NAV3: variants seen among roughly 807,000 people sequenced by gnomAD.
NAV3 encodes the protein neuron navigator 3, also known as pore membrane and/or filament interacting like protein 1.
Under a neutral mutation model 244.7 loss-of-function variants are expected in NAV3, and 87 were observed. That is an observed-to-expected ratio of 0.36 (90% CI 0.30 to 0.42). The LOEUF (loss-of-function observed/expected upper bound fraction) is 0.42, where lower values mean the gene tolerates loss of function less well. Among genes scored for constraint, NAV3 ranks in the 20% least tolerant of loss-of-function variants. The probability of loss-of-function intolerance (pLI) is 1.00; values close to 1 mark genes in which losing one functional copy is unlikely to be tolerated. For missense variants in NAV3, 2,663 were observed against 2,893.3 expected (o/e 0.92, Z 1.83); for synonymous variants, 1,126 against 1,042.2 (o/e 1.08, Z -1.55).
intron 2 of NAV3, among the ~76,000 whole-genome samples, chr12:77,726,979 C>T (rs924687166): frequency 7.2e-5 from 11 of 151,964 alleles, no homozygotes; most frequent in South Asian, 2.1e-4. Flanking sequence ...CAGTTTTAAT[C>T]GAAGGAGAAA....
chr12:77,654,481 C>T (rs1872985656), intron 2 of NAV3, among the ~76,000 whole-genome samples: 1 of 152,180 alleles, frequency 6.6e-6, no homozygotes, highest in Non-Finnish European at 1.5e-5. Flanking sequence ...CCCACCACAG[C>T]TCATGGAGGC....
intron 1 of NAV3, among the ~76,000 whole-genome samples, chr12:77,869,215 C>A (rs763449131): frequency 1.3e-5 from 2 of 149,792 alleles, no homozygotes; most frequent in Non-Finnish European, 3.0e-5. Flanking sequence ...GATGAATTGC[C>A]TAACCTAAGC....
In NAV3 at chr12:77,766,735, G is replaced by GTTTGTTTTTTT. The variant is rs1555202961; in HGVS notation, c.73-173581_73-173580insGTTTTTTTTTT. On this transcript the variant is annotated intron_variant, in intron 2 of 8. Coordinates refer to the NAV3 transcript ENST00000550042. Reference sequence around the variant, plus strand: ...AGGATTCTAAAAAACAGGCAATTAAGTTTTTTTTTTTTTTTTTTTTTTTTT... The same window carrying GTTTGTTTTTTT: ...AGGATTCTAAAAAACAGGCAATTAAGTTTGTTTTTTTTTTTTTTTTTTTTTTTTTTTTTTTT... 1.6e-3 allele frequency among the ~76,000 whole-genome samples: 94 copies of GTTTGTTTTTTT among 60,514 alleles called. 17 individuals carry two copies. Among genetic ancestry groups the GTTTGTTTTTTT allele is most frequent in the East Asian group, 6.0e-3 (12 of 2,012 alleles). The allele number at this position is 60,514 out of a possible 152,430, so 39.7% of individuals were successfully genotyped here. A position where few individuals can be genotyped will look rare whatever the true frequency, so the allele number is the denominator to read the frequency against.
intron 20 of NAV3, among the ~76,000 whole-genome samples, chr12:78,144,228 C>T (rs1395382714): frequency 6.6e-6 from 1 of 151,976 alleles, no homozygotes; most frequent in Non-Finnish European, 1.5e-5. Context: ...TAACATGTTG[C>T]CTAACAAATA....
intron 1 of NAV3, among the ~76,000 whole-genome samples, chr12:77,895,881 C>A (rs1262508794): frequency 7.0e-6 from 1 of 142,436 alleles, no homozygotes; most frequent in Non-Finnish European, 1.5e-5. Context: ...TAATTTATAA[C>A]CACTGACAGG....
chr12:78,118,126 G>T lies in NAV3; in HGVS notation c.2869G>T (p.Ala957Ser). The change falls in exon 14 of 40, where the codon GCT (alanine) becomes TCT (serine). Residue 957 changes from alanine (A) to serine (S), a missense_variant. Coordinates refer to ENST00000397909, the MANE Select transcript of NAV3 (RefSeq NM_001024383.2). ...AGAAGATTTTGACAGCCATGGGGATGCTGGTGGCAAGTGGAAGACTGTGTC... is the reference window on the plus strand; with the variant it reads ...AGAAGATTTTGACAGCCATGGGGATTCTGGTGGCAAGTGGAAGACTGTGTC... ...PEEDFDSHGD[A>S]GGKWKTVSSG... The T allele has an allele frequency of 6.2e-7, 1 of 1,614,092 alleles. No individual in the cohort carries two copies. Among genetic ancestry groups the T allele is most frequent in the Non-Finnish European group, 8.5e-7 (1 of 1,180,024 alleles).
intron 3 of NAV3, among the ~76,000 whole-genome samples, chr12:77,941,728 T>C (rs1593064021): frequency 6.6e-6 from 1 of 152,128 alleles, no homozygotes; most frequent in Non-Finnish European, 1.5e-5. Context: ...TATAATAAAG[T>C]CAAAGAGTAA....
chr12:77,892,403 A>T (rs1884041564), intron 1 of NAV3, among the ~76,000 whole-genome samples: 1 of 152,052 alleles, frequency 6.6e-6, no homozygotes, highest in Non-Finnish European at 1.5e-5. Context: ...CAAGCCCTAA[A>T]ATTAGACCAT....
chr12:77,847,111 TTC>T (rs1876764955), intron 1 of NAV3, among the ~76,000 whole-genome samples: 1 of 152,164 alleles, frequency 6.6e-6, no homozygotes, highest in Non-Finnish European at 1.5e-5. Flanking sequence ...AACAGTATGC[TTC>T]TCCTCTGTAA....
At chr12:77,952,084 A>G (rs529150940) in intron 3 of NAV3, among the ~76,000 whole-genome samples, 2 of 150,486 alleles carry the variant, frequency 1.3e-5, no homozygotes, top group East Asian at 3.9e-4. Context: ...AAAAAAAAAA[A>G]CAGGTTGTTT....
At chr12:78,108,113 G>T (rs1264508110) in intron 12 of NAV3, among the ~76,000 whole-genome samples, 1 of 152,122 alleles carries the variant, frequency 6.6e-6, no homozygotes, top group African/African-American at 2.4e-5. Context: ...AATGGTAAAA[G>T]ATATTCCTTG....
chr12:77,634,611 T>C (rs1310406122), intron 2 of NAV3, among the ~76,000 whole-genome samples: 1 of 152,168 alleles, frequency 6.6e-6, no homozygotes, highest in East Asian at 1.9e-4. Flanking sequence ...AACATGAAAC[T>C]TCATAGTGTA....
chr12:77,672,564 G>GTA (rs1222030953), intron 2 of NAV3, among the ~76,000 whole-genome samples: 3 of 151,930 alleles, frequency 2.0e-5, no homozygotes, highest in Non-Finnish European at 4.4e-5. Context: ...GTGTGTGTGT[G>GTA]TATATATGGC....
At chr12:77,931,074 T>TAA (rs61166788) in intron 1 of NAV3, among the ~76,000 whole-genome samples, 2 of 146,100 alleles carry the variant, frequency 1.4e-5, no homozygotes, top group Non-Finnish European at 3.0e-5. Flanking sequence ...TTTCCTATAA[T>TAA]TTTTTTCCTA....
chr12:77,990,315 G>A (rs927009795), intron 5 of NAV3, among the ~76,000 whole-genome samples: 3 of 152,200 alleles, frequency 2.0e-5, no homozygotes, highest in Non-Finnish European at 4.4e-5. Flanking sequence ...TTAGGGAAAG[G>A]TAAGGAAGAA....
chr12:77,642,261 T>C (rs1486430212), intron 2 of NAV3, among the ~76,000 whole-genome samples: 1 of 152,048 alleles, frequency 6.6e-6, no homozygotes, highest in African/African-American at 2.4e-5. Flanking sequence ...TCCCAAGAGC[T>C]CAGTGTTTTA....
intron 12 of NAV3, among the ~76,000 whole-genome samples, chr12:78,104,287 GA>G (rs1470817052): frequency 5.3e-5 from 8 of 152,274 alleles, no homozygotes; most frequent in Admixed American, 2.6e-4. Flanking sequence ...CCTGCCATAT[GA>G]AGTGCTATTA....
chr12:77,766,735 G>GTTTGTTTGTTTT (rs1555202961), intron 2 of NAV3, among the ~76,000 whole-genome samples: 6 of 60,516 alleles, frequency 9.9e-5, no homozygotes, highest in Non-Finnish European at 1.2e-4. Flanking sequence ...AGGCAATTAA[G>GTTTGTTTGTTTT]TTTTTTTTTT....
At chr12:78,074,583 A>T (rs1952949936) in intron 12 of NAV3, among the ~76,000 whole-genome samples, 1 of 152,134 alleles carries the variant, frequency 6.6e-6, no homozygotes, top group Non-Finnish European at 1.5e-5. Flanking sequence ...TCGTGCCTGT[A>T]TTCTTAGCTA....
Sources: allele counts gnomAD v4.1 joint callset (sites outside exome capture counted in the v4.1 genomes callset), GRCh38; gene constraint gnomAD v4.1.1; transcripts MANE v1.5; gene names NCBI Gene and HGNC (gene_info 2026-07-23, HGNC 2026-07-21).